INPP5B: variants seen among roughly 807,000 people sequenced by gnomAD.
The protein encoded by INPP5B is inositol polyphosphate-5-phosphatase B.
Under a neutral mutation model 118.5 loss-of-function variants are expected in INPP5B, and 90 were observed. That is an observed-to-expected ratio of 0.76 (90% CI 0.64 to 0.90). The LOEUF is 0.90. INPP5B is among the 40% of genes least tolerant of loss of function. The pLI is 0.00. For synonymous variants in INPP5B, 385 were observed against 418.9 expected, an observed-to-expected ratio of 0.92 and a Z score of 0.99; for missense variants, 984 against 1,125.6, an observed-to-expected ratio of 0.87 and a Z score of 1.80.
intron 8 of INPP5B, among the ~76,000 whole-genome samples, chr1:37,890,564 T>C (rs1341652667): frequency 6.6e-6 from 1 of 152,152 alleles, no homozygotes; most frequent in African/African-American, 2.4e-5. Context: ...TCTGGAGATA[T>C]TCAGTAGGGG....
chr1:37,933,804 G>C (rs1435612324), intron 6 of INPP5B, among the ~76,000 whole-genome samples: 3 of 151,086 alleles, frequency 2.0e-5, no homozygotes, highest in Non-Finnish European at 4.4e-5. Context: ...TTTAGGAAGT[G>C]ACAGACCTGG....
At chr1:37,882,074 G>A (rs1643235160) in intron 14 of INPP5B, among the ~76,000 whole-genome samples, 1 of 151,586 alleles carries the variant, frequency 6.6e-6, no homozygotes, top group South Asian at 2.1e-4. Flanking sequence ...ACTCCAGCCT[G>A]GGTGCCAGAG....
chr1:37,872,883 T>A (rs762765455), intron 19 of INPP5B, 47 bp downstream of exon 19: 63 of 1,426,742 alleles, frequency 4.4e-5, no homozygotes, highest in Non-Finnish European at 6.1e-5. Flanking sequence ...TTTGACTGGC[T>A]TGTCTGCTAC....
At chr1:37,923,759 G>C (rs1046174379) in intron 7 of INPP5B, among the ~76,000 whole-genome samples, 1 of 146,964 alleles carries the variant, frequency 6.8e-6, no homozygotes, top group Admixed American at 7.0e-5. Flanking sequence ...AAAATGGAGG[G>C]AGGAAAGGAG....
intron 19 of INPP5B, among the ~76,000 whole-genome samples, chr1:37,872,338 C>T (rs1016832961): frequency 2.1e-5 from 3 of 143,122 alleles, no homozygotes; most frequent in Non-Finnish European, 3.0e-5. Context: ...TCATTGCACT[C>T]CAGCCTGGGC....
intron 7 of INPP5B, among the ~76,000 whole-genome samples, chr1:37,923,232 G>A (rs576675144): frequency 6.6e-6 from 1 of 152,160 alleles, no homozygotes; most frequent in Admixed American, 6.6e-5. Context: ...AATGCTAAAA[G>A]CAGCAAGTTC....
intron 17 of INPP5B, among the ~76,000 whole-genome samples, chr1:37,874,588 A>T (rs1450042855): frequency 6.6e-6 from 1 of 152,194 alleles, no homozygotes; most frequent in Non-Finnish European, 1.5e-5. Context: ...ACTTGAGCTC[A>T]GGAGTTCAAG....
chr1:37,890,699 T>C (rs1258349856), intron 8 of INPP5B, among the ~76,000 whole-genome samples: 3 of 151,800 alleles, frequency 2.0e-5, no homozygotes, highest in African/African-American at 7.3e-5. Flanking sequence ...AATGAAAGAG[T>C]GAAATCAAAC....
intron 7 of INPP5B, among the ~76,000 whole-genome samples, chr1:37,920,046 A>C (rs981588691): frequency 1.3e-5 from 2 of 152,184 alleles, no homozygotes; most frequent in African/African-American, 4.8e-5. Flanking sequence ...CAACTACTCT[A>C]TGAGGTAGGT....
rs778365027 is a variant in INPP5B at position 37,864,280 on chromosome 1, G to C, written c.2626+32C>G. ...CTCATTACGAGTCTCTCAGTTTGCA[G>C]AAATGCTTTCCATAGACATTTGGCT... is the stretch of plus-strand genomic sequence containing the variant. On this transcript the variant is annotated intron_variant, in intron 23 of 23. Transcript: ENST00000373024. 4 of 1,271,192 alleles carry C rather than the reference G, an allele frequency of 3.1e-6. No homozygotes were observed. The South Asian group carries it at 4.9e-5, about 16-fold the overall frequency. The allele number at this position is 1,271,192 out of a possible 1,614,324, so 78.7% of individuals were successfully genotyped here.
At chr1:37,896,459 C>A (rs1490460652) in intron 7 of INPP5B, among the ~76,000 whole-genome samples, 1 of 146,962 alleles carries the variant, frequency 6.8e-6, no homozygotes, top group African/African-American at 2.5e-5. Context: ...CTGCCCCGTC[C>A]GGGAGGGAGG....
At chr1:37,905,138 A>G (rs1644462177) in intron 7 of INPP5B, among the ~76,000 whole-genome samples, 1 of 151,596 alleles carries the variant, frequency 6.6e-6, no homozygotes, top group Non-Finnish European at 1.5e-5. Flanking sequence ...TGGTGGCTCA[A>G]GCCTGTAATC....
chr1:37,886,954 C>T lies in INPP5B; in HGVS notation c.1065G>A (p.Gln355=). ...VGIMLLLYVK[Q]EHAAYISEVE... ...CTTCTGAGATATAAGCTGCATGCTCCTGTTTGACATATAACAGCAGCATAA... is the reference window on the plus strand; with the variant it reads ...CTTCTGAGATATAAGCTGCATGCTCTTGTTTGACATATAACAGCAGCATAA... Residue 355 remains glutamine (Q), a synonymous_variant, in exon 12 of 24, where the codon CAG becomes CAA. Coordinates refer to ENST00000373024, the MANE Select transcript of INPP5B (RefSeq NM_005540.3). 6.2e-7 allele frequency: 1 copy of T among 1,614,186 alleles called. No individual in the cohort carries two copies.
At chr1:37,942,119 T>C (rs1645952176) in intron 5 of INPP5B, 1 of 149,652 alleles carries the variant, frequency 6.7e-6, no homozygotes, top group South Asian at 2.1e-4. Flanking sequence ...AGTGATAACC[T>C]CATAGAGCTG....
intron 20 of INPP5B, 94 bp from the exon 21 acceptor site, chr1:37,866,637 G>C: frequency 1.3e-6 from 1 of 762,718 alleles, no homozygotes; most frequent in Non-Finnish European, 2.3e-6. Context: ...AATGCAAAAA[G>C]GAGCAGTGTG....
Position 37,882,908 on chromosome 1 carries a change from A to G in INPP5B, c.1330T>C (p.Trp444Arg), listed in dbSNP as rs1450544106. ...LTISNHDVIL[W>R]LGDLNYRIEE... Reference sequence around the variant, plus strand: ...ATCCTGTAGTTGAGGTCCCCCAGCCACAAGATCACACTGTGAGGACAGAGC... The same window carrying G: ...ATCCTGTAGTTGAGGTCCCCCAGCCGCAAGATCACACTGTGAGGACAGAGC... The change falls in exon 14 of 24, where the codon TGG becomes CGG. Residue 444 changes from tryptophan to arginine, a missense_variant. Physicochemically the swap from Trp to Arg is moderately radical, Grantham distance 101 (BLOSUM62 -3). Transcript: ENST00000373024. The G allele has an allele frequency of 1.2e-6, 2 of 1,613,988 alleles. No homozygotes were observed. Among genetic ancestry groups the G allele is most frequent in the Non-Finnish European group, 1.7e-6 (2 of 1,179,994 alleles).
intron 7 of INPP5B, among the ~76,000 whole-genome samples, chr1:37,916,635 C>T (rs1570284073): frequency 1.3e-5 from 2 of 152,150 alleles, no homozygotes; most frequent in East Asian, 3.9e-4. Flanking sequence ...AGGCTGGTCT[C>T]GAACTCCCGA....
intron 6 of INPP5B, among the ~76,000 whole-genome samples, chr1:37,939,071 G>A (rs1206583810): frequency 6.6e-6 from 1 of 151,884 alleles, no homozygotes; most frequent in African/African-American, 2.4e-5. Flanking sequence ...GTGGGCGCCA[G>A]TAATCCCAGC....
chr1:37,944,996 C>T (rs144178476), intron 3 of INPP5B, among the ~76,000 whole-genome samples: 6 of 152,188 alleles, frequency 3.9e-5, no homozygotes, highest in African/African-American at 7.2e-5. Context: ...CCACCAGGTG[C>T]GGTGGCTCAT....
Sources: gnomAD v4.1 joint callset for allele counts (sites outside exome capture counted in the v4.1 genomes callset) on GRCh38, gnomAD v4.1.1 for gene constraint, MANE v1.5 for transcripts, NCBI Gene and HGNC (gene_info 2026-07-23, HGNC 2026-07-21) for gene names.